The following SPOCK1 variants were observed in gnomAD, a reference collection of about 807,000 sequenced individuals.
The protein encoded by SPOCK1 is SPARC (osteonectin), cwcv and kazal like domains proteoglycan 1.
In SPOCK1, 23 loss-of-function variants were observed where a neutral mutation model predicts 55.3. The ratio of observed to expected loss-of-function variants is 0.42; its 90% confidence interval spans 0.30 to 0.59. SPOCK1 has a LOEUF of 0.59. SPOCK1 is among the 20% of genes least tolerant of loss of function. The pLI is 0.22. For missense variants in SPOCK1, 499 were observed against 552.5 expected (o/e 0.90, Z 0.97); for synonymous variants, 226 against 221.0 (o/e 1.02, Z -0.20).
At chr5:137,402,631 G>A (rs1289304953) in intron 2 of SPOCK1, among the ~76,000 whole-genome samples, 1 of 152,154 alleles carries the variant, frequency 6.6e-6, no homozygotes, top group Non-Finnish European at 1.5e-5. Flanking sequence ...ACCTCAACCT[G>A]CTCCCCGCCT....
Position 137,050,599 on chromosome 5 carries a change from T to G in SPOCK1, c.589+17116A>C, listed in dbSNP as rs544461824. Among the ~76,000 whole-genome samples, 4 of 152,154 alleles carry G rather than the reference T, an allele frequency of 2.6e-5. No individual in the cohort carries two copies. The South Asian group carries it at 6.3e-4, about 24-fold the overall frequency. ...GATGGAAATGCAGAAATCACCCGTC[T>G]TCTGCGTCGCTCACGCTGGGAGCTG... On this transcript the variant is annotated intron_variant, in intron 6 of 10. Transcript: ENST00000394945.
At chr5:137,330,150 T>A (rs1314470346) in intron 2 of SPOCK1, among the ~76,000 whole-genome samples, 1 of 152,182 alleles carries the variant, frequency 6.6e-6, no homozygotes, top group Non-Finnish European at 1.5e-5. Flanking sequence ...ATGGGCCCAA[T>A]TCATAATATT....
intron 3 of SPOCK1, 50 bp from the exon 4 acceptor site, chr5:137,140,744 TTAA>T: frequency 9.6e-7 from 1 of 1,042,712 alleles, no homozygotes; most frequent in South Asian, 1.9e-5. Context: ...CCAGGGAAAT[TTAA>T]TTTTTTTTTT....
chr5:137,397,232 C>T (rs1199534834), intron 2 of SPOCK1, among the ~76,000 whole-genome samples: 1 of 152,168 alleles, frequency 6.6e-6, no homozygotes, highest in Non-Finnish European at 1.5e-5. Flanking sequence ...ACAGCAATGG[C>T]ATCCCACCTA....
At chr5:137,447,714 C>G (rs1461196207) in intron 2 of SPOCK1, among the ~76,000 whole-genome samples, 2 of 152,172 alleles carry the variant, frequency 1.3e-5, no homozygotes, top group Non-Finnish European at 2.9e-5. Flanking sequence ...CTCACCTGTT[C>G]AGGCATCTGT....
At chr5:137,219,569 A>G (rs1412095093) in intron 3 of SPOCK1, among the ~76,000 whole-genome samples, 2 of 152,254 alleles carry the variant, frequency 1.3e-5, no homozygotes, top group African/African-American at 4.8e-5. Flanking sequence ...AATGAATAGA[A>G]GCTCAAAATA....
chr5:137,273,175 G>A (rs956645460), intron 2 of SPOCK1, among the ~76,000 whole-genome samples: 1 of 152,136 alleles, frequency 6.6e-6, no homozygotes, highest in African/African-American at 2.4e-5. Flanking sequence ...AAAAGATAAA[G>A]CAGCAAATGG....
chr5:137,052,597 G>A (rs1417105229), intron 6 of SPOCK1, among the ~76,000 whole-genome samples: 1 of 152,016 alleles, frequency 6.6e-6, no homozygotes. Flanking sequence ...CATAAAATCA[G>A]TATTTATAAC....
intron 2 of SPOCK1, among the ~76,000 whole-genome samples, chr5:137,277,375 TTACTA>T (rs1757086912): frequency 6.6e-6 from 1 of 152,124 alleles, no homozygotes; most frequent in African/African-American, 2.4e-5. Flanking sequence ...AGAGATAAAA[TTACTA>T]TACAAGTTCA....
intron 2 of SPOCK1, among the ~76,000 whole-genome samples, chr5:137,330,784 G>T (rs529031720): frequency 6.6e-6 from 1 of 152,270 alleles, no homozygotes; most frequent in Non-Finnish European, 1.5e-5. Flanking sequence ...CATTCACCTT[G>T]ATAATTATAG....
At chr5:137,178,539 T>C (rs1754903716) in intron 3 of SPOCK1, among the ~76,000 whole-genome samples, 1 of 152,200 alleles carries the variant, frequency 6.6e-6, no homozygotes, top group South Asian at 2.1e-4. Flanking sequence ...GACTTGACAT[T>C]TCACATGACT....
At chr5:137,302,300 T>A (rs1757606968) in intron 2 of SPOCK1, among the ~76,000 whole-genome samples, 1 of 152,020 alleles carries the variant, frequency 6.6e-6, no homozygotes, top group African/African-American at 2.4e-5. Flanking sequence ...CTGGGCGCGG[T>A]GGCTCACGCC....
chr5:137,071,659 A>C (rs55940659), intron 5 of SPOCK1, among the ~76,000 whole-genome samples: 1,598 of 152,332 alleles, frequency 0.01, 37 homozygotes, highest in African/African-American at 0.037. Flanking sequence ...CACCTCCCAG[A>C]AAACTCCATG....
At chr5:137,334,197 A>C (rs1750187579) in intron 2 of SPOCK1, among the ~76,000 whole-genome samples, 1 of 152,218 alleles carries the variant, frequency 6.6e-6, no homozygotes, top group Non-Finnish European at 1.5e-5. Flanking sequence ...ATGCAGATAC[A>C]TAACTTGAAC....
At chr5:137,378,232 C>T (rs937300204) in intron 2 of SPOCK1, among the ~76,000 whole-genome samples, 18 of 152,234 alleles carry the variant, frequency 1.2e-4, no homozygotes, top group Non-Finnish European at 1.9e-4. Flanking sequence ...GCATGAGCCA[C>T]CGCACCTGGC....
intron 2 of SPOCK1, among the ~76,000 whole-genome samples, chr5:137,326,863 G>A (rs1758086798): frequency 6.6e-6 from 1 of 152,176 alleles, no homozygotes; most frequent in East Asian, 1.9e-4. Context: ...TATGCCCATT[G>A]TGAAAAATCA....
intron 6 of SPOCK1, among the ~76,000 whole-genome samples, chr5:137,024,316 G>GGGC: frequency 7.1e-6 from 1 of 140,034 alleles, no homozygotes; most frequent in East Asian, 2.1e-4. Flanking sequence ...CAGTTTGAAG[G>GGGC]GGGGGGGGTA....
chr5:137,217,789 T>G (rs1425825944), intron 3 of SPOCK1, among the ~76,000 whole-genome samples: 1 of 152,188 alleles, frequency 6.6e-6, no homozygotes, highest in African/African-American at 2.4e-5. Flanking sequence ...AACACTCTCC[T>G]TTTACTGATG....
chr5:137,273,988 T>C (rs1290164287), intron 2 of SPOCK1, among the ~76,000 whole-genome samples: 1 of 152,184 alleles, frequency 6.6e-6, no homozygotes, highest in Non-Finnish European at 1.5e-5. Context: ...AGCTCCCTCT[T>C]CTTAGGGACT....
Sources: gnomAD v4.1 joint callset for allele counts (sites outside exome capture counted in the v4.1 genomes callset) on GRCh38, gnomAD v4.1.1 for gene constraint, MANE v1.5 for transcripts, NCBI Gene and HGNC (gene_info 2026-07-23, HGNC 2026-07-21) for gene names.